CHRM3: variants seen among roughly 807,000 people sequenced by gnomAD.
CHRM3 encodes the protein muscarinic acetylcholine receptor M3.
In CHRM3, 11 loss-of-function variants were observed where a neutral mutation model predicts 41.8. That is an observed-to-expected ratio of 0.26 (90% CI 0.17 to 0.44). CHRM3 has a LOEUF of 0.44. Ranked by LOEUF, CHRM3 falls within the 20% of genes least tolerant of loss-of-function variation. The pLI is 1.00. For missense variants in CHRM3, 571 were observed against 745.4 expected, an observed-to-expected ratio of 0.77 and a Z score of 2.72; for synonymous variants, 297 against 301.4, an observed-to-expected ratio of 0.99 and a Z score of 0.15.
chr1:239,656,848 T>A (rs1371648296), intron 4 of CHRM3, among the ~76,000 whole-genome samples: 1 of 152,176 alleles, frequency 6.6e-6, no homozygotes, highest in Non-Finnish European at 1.5e-5. Context: ...AAAAGATATA[T>A]TCCTTGAAAT....
chr1:239,762,705 T>C (rs760760514), intron 5 of CHRM3, among the ~76,000 whole-genome samples: 5 of 152,158 alleles, frequency 3.3e-5, no homozygotes, highest in Non-Finnish European at 5.9e-5. Context: ...AATCATAATC[T>C]CAAAATATAA....
chr1:239,584,457 G>A (rs898393789), intron 3 of CHRM3, among the ~76,000 whole-genome samples: 4 of 152,054 alleles, frequency 2.6e-5, no homozygotes, highest in Admixed American at 2.0e-4. Context: ...AGATACAACT[G>A]ATTAGCATCC....
At chr1:239,721,879 G>A (rs1483322904) in intron 5 of CHRM3, among the ~76,000 whole-genome samples, 2 of 151,844 alleles carry the variant, frequency 1.3e-5, no homozygotes, top group Non-Finnish European at 2.9e-5. Context: ...AAATATTGCA[G>A]CAGGTGAGCG....
At chr1:239,479,724 T>C (rs556880363) in intron 1 of CHRM3, among the ~76,000 whole-genome samples, 185 of 152,282 alleles carry the variant, frequency 1.2e-3, no homozygotes, top group Non-Finnish European at 2.0e-3. Flanking sequence ...TAAGTATCTG[T>C]GTATCTCAAC....
intron 5 of CHRM3, among the ~76,000 whole-genome samples, chr1:239,746,790 C>T (rs1665399149): frequency 6.6e-6 from 1 of 151,884 alleles, no homozygotes; most frequent in South Asian, 2.1e-4. Flanking sequence ...CAGAGTTTCG[C>T]TCTGTCACCC....
At chr1:239,887,017 C>G (rs941350750) in intron 6 of CHRM3, among the ~76,000 whole-genome samples, 2 of 152,192 alleles carry the variant, frequency 1.3e-5, no homozygotes, top group African/African-American at 4.8e-5. Context: ...CTTCCTTAAA[C>G]AACTGCTTGT....
At chr1:239,751,700 G>A (rs1016945216) in intron 5 of CHRM3, among the ~76,000 whole-genome samples, 3 of 152,156 alleles carry the variant, frequency 2.0e-5, no homozygotes, top group Non-Finnish European at 2.9e-5. Flanking sequence ...CAGTCAGACA[G>A]ATGGGGATTC....
At chr1:239,727,111 A>C (rs1280637063) in intron 5 of CHRM3, among the ~76,000 whole-genome samples, 1 of 151,930 alleles carries the variant, frequency 6.6e-6, no homozygotes, top group Non-Finnish European at 1.5e-5. Context: ...TGAAGATCAA[A>C]AAAAATCAAA....
intron 1 of CHRM3, among the ~76,000 whole-genome samples, chr1:239,441,511 G>C (rs930068464): frequency 1.3e-5 from 2 of 152,202 alleles, no homozygotes; most frequent in Non-Finnish European, 2.9e-5. Flanking sequence ...AATTTAGGGT[G>C]TAGGAATTAA....
intron 3 of CHRM3, among the ~76,000 whole-genome samples, chr1:239,615,288 C>T (rs1374460955): frequency 6.6e-6 from 1 of 152,136 alleles, no homozygotes; most frequent in Non-Finnish European, 1.5e-5. Context: ...AACTGAGAAT[C>T]GCTTAGATCT....
At chr1:239,658,531 G>A (rs1365848211) in intron 4 of CHRM3, among the ~76,000 whole-genome samples, 1 of 152,100 alleles carries the variant, frequency 6.6e-6, no homozygotes, top group Non-Finnish European at 1.5e-5. Context: ...TGTTCTCATT[G>A]TGCTTTCTGT....
intron 3 of CHRM3, among the ~76,000 whole-genome samples, chr1:239,631,281 A>G (rs567924845): frequency 1.3e-5 from 2 of 152,308 alleles, no homozygotes; most frequent in East Asian, 3.9e-4. Context: ...CTTGTCACAG[A>G]TGACACTCGC....
Position 239,543,455 on chromosome 1 carries a change from T to A in CHRM3, c.-421-2186T>A, listed in dbSNP as rs539867943. ...GCACCCCTCTTCCTGTCATATAATC[T>A]CCTCCAAATCAAGCATGAACAATTT... On this transcript the variant is annotated intron_variant, in intron 2 of 6. Transcript: ENST00000676153. Among the ~76,000 whole-genome samples, 5 of 151,824 alleles carry A rather than the reference T, an allele frequency of 3.3e-5. No individual in the cohort carries two copies. The East Asian group carries it at 9.7e-4, about 29-fold the overall frequency.
intron 6 of CHRM3, among the ~76,000 whole-genome samples, chr1:239,838,178 G>A (rs1427733241): frequency 6.6e-6 from 1 of 152,128 alleles, no homozygotes; most frequent in Non-Finnish European, 1.5e-5. Flanking sequence ...TGATTAATGG[G>A]AAGCAGTTTA....
chr1:239,522,041 T>TTTCC (rs1553317548), intron 2 of CHRM3, among the ~76,000 whole-genome samples: 1 of 150,394 alleles, frequency 6.6e-6, no homozygotes, highest in African/African-American at 2.4e-5. Flanking sequence ...TTTTCTTTTC[T>TTTCC]TTTTTGCCAT....
chr1:239,606,853 A>C (rs913468950), intron 3 of CHRM3, among the ~76,000 whole-genome samples: 1 of 152,116 alleles, frequency 6.6e-6, no homozygotes. Flanking sequence ...TGTGCACCCA[A>C]AATTCTCCTA....
intron 3 of CHRM3, among the ~76,000 whole-genome samples, chr1:239,608,631 C>G (rs1666636059): frequency 6.6e-6 from 1 of 152,122 alleles, no homozygotes; most frequent in African/African-American, 2.4e-5. Flanking sequence ...TTGAGCACCA[C>G]CTTGCAAGTG....
chr1:239,698,308 A>G (rs1246847542), intron 5 of CHRM3, among the ~76,000 whole-genome samples: 1 of 152,208 alleles, frequency 6.6e-6, no homozygotes, highest in Non-Finnish European at 1.5e-5. Flanking sequence ...TTTCTAAGTC[A>G]TTAGTCTACA....
intron 3 of CHRM3, among the ~76,000 whole-genome samples, chr1:239,601,239 G>A (rs1665495658): frequency 6.6e-6 from 1 of 152,172 alleles, no homozygotes; most frequent in Non-Finnish European, 1.5e-5. Context: ...GTGCTGTTTG[G>A]TGATGGATGG....
Sources: allele counts gnomAD v4.1 joint callset (sites outside exome capture counted in the v4.1 genomes callset), GRCh38; gene constraint gnomAD v4.1.1; transcripts MANE v1.5; gene names NCBI Gene and HGNC (gene_info 2026-07-23, HGNC 2026-07-21).